CWC27: variants seen among roughly 807,000 people sequenced by gnomAD.
The protein encoded by CWC27 is spliceosome-associated protein CWC27 homolog.
A neutral mutation model predicts 63.6 loss-of-function variants in CWC27; 47 were observed. That is an observed-to-expected ratio of 0.74 (90% CI 0.58 to 0.94). The LOEUF (loss-of-function observed/expected upper bound fraction) is 0.94, where lower values mean the gene tolerates loss of function less well. Ranked by LOEUF, CWC27 falls within the 40% of genes least tolerant of loss-of-function variation. CWC27 has a pLI of 0.00. For missense variants in CWC27, 495 were observed against 554.3 expected, an observed-to-expected ratio of 0.89 and a Z score of 1.07; for synonymous variants, 175 against 179.8, an observed-to-expected ratio of 0.97 and a Z score of 0.22.
chr5:64,975,136 A>C (rs751267578), intron 12 of CWC27, among the ~76,000 whole-genome samples: 2 of 152,230 alleles, frequency 1.3e-5, no homozygotes, highest in Admixed American at 1.3e-4. Context: ...GTGGGCATTA[A>C]ATTTTGCAGA....
chr5:64,998,677 T>C (rs1179033943), intron 13 of CWC27, among the ~76,000 whole-genome samples: 1 of 152,120 alleles, frequency 6.6e-6, no homozygotes, highest in Non-Finnish European at 1.5e-5. Context: ...GATTTTTCCA[T>C]GATAGTGGTG....
chr5:64,849,948 C>G (rs1746092632), intron 10 of CWC27, among the ~76,000 whole-genome samples: 1 of 152,222 alleles, frequency 6.6e-6, no homozygotes, highest in African/African-American at 2.4e-5. Context: ...AACTCAGTCT[C>G]AGGTAGTTCT....
At chr5:64,852,822 C>T (rs542201495) in intron 10 of CWC27, among the ~76,000 whole-genome samples, 1 of 150,892 alleles carries the variant, frequency 6.6e-6, no homozygotes, top group South Asian at 2.1e-4. Context: ...TTTTCATTTT[C>T]AAATAAAAGC....
At chr5:65,009,392 A>G (rs1472256508) in intron 13 of CWC27, among the ~76,000 whole-genome samples, 1 of 152,248 alleles carries the variant, frequency 6.6e-6, no homozygotes, top group Non-Finnish European at 1.5e-5. Context: ...AAACCACAGT[A>G]GCAGTATAAT....
chr5:64,826,132 A>C (rs563458037), intron 10 of CWC27, among the ~76,000 whole-genome samples: 1 of 142,912 alleles, frequency 7.0e-6, no homozygotes. Context: ...TCAATTATCT[A>C]TTTATCTGTC....
At position 64,981,384 on chromosome 5, in the gene CWC27, C is replaced by T. The variant is rs528211481; in HGVS notation, c.1256+4146C>T. ...TTTTCTCAGCAATATGCAGTGACTA[C>T]TTTTCCTTATCATGTATAATTTTAT... On this transcript the variant is annotated intron_variant, in intron 13 of 13. Transcript: ENST00000381070. 5.3e-5 allele frequency among the ~76,000 whole-genome samples: 8 copies of T among 152,252 alleles called. No individual in the cohort carries two copies. In the South Asian group the frequency reaches 1.5e-3, roughly 28 times the overall value.
In CWC27 at chr5:64,858,218, G is replaced by T. The variant is rs557020654; in HGVS notation, c.939-27225G>T. On this transcript the variant is annotated intron_variant, in intron 10 of 13. Transcript: ENST00000381070. ...CTCATGCCTGTAATCCCAGCACTTT[G>T]TGGGGCCGAGGCGGGCGGATCACGA... 1.0e-3 allele frequency among the ~76,000 whole-genome samples: 149 copies of T among 145,430 alleles called. 1 individual carries two copies. Among genetic ancestry groups the T allele is most frequent in the African/African-American group, 3.6e-3 (143 of 39,834 alleles).
At chr5:64,930,996 G>A (rs1351160410) in intron 11 of CWC27, among the ~76,000 whole-genome samples, 1 of 152,094 alleles carries the variant, frequency 6.6e-6, no homozygotes, top group African/African-American at 2.4e-5. Flanking sequence ...GGAGTCTACA[G>A]AGACATCAAA....
chr5:64,959,643 C>T (rs1444260781), intron 11 of CWC27, among the ~76,000 whole-genome samples: 2 of 152,156 alleles, frequency 1.3e-5, no homozygotes, highest in African/African-American at 4.8e-5. Flanking sequence ...TATCTAATCC[C>T]TTATACCTCA....
chr5:64,839,037 A>G (rs1745736657), intron 10 of CWC27, among the ~76,000 whole-genome samples: 1 of 152,184 alleles, frequency 6.6e-6, no homozygotes, highest in Non-Finnish European at 1.5e-5. Context: ...TCAAAAAACA[A>G]TGGAAGGTGG....
At chr5:64,899,673 C>T (rs1223598586) in intron 11 of CWC27, among the ~76,000 whole-genome samples, 1 of 152,040 alleles carries the variant, frequency 6.6e-6, no homozygotes, top group African/African-American at 2.4e-5. Context: ...TGAACAGAAA[C>T]GAAAACATTT....
intron 11 of CWC27, among the ~76,000 whole-genome samples, chr5:64,906,337 TC>T (rs1747640741): frequency 6.6e-6 from 1 of 152,198 alleles, no homozygotes; most frequent in Non-Finnish European, 1.5e-5. Flanking sequence ...ATCTGTTTTT[TC>T]CTGACCTTTT....
Position 65,000,911 on chromosome 5 carries a change from T to G in CWC27, c.1257-17248T>G, listed in dbSNP as rs140836968. On this transcript the variant is annotated intron_variant, in intron 13 of 13. Transcript: ENST00000381070. ...ATTGCATTGACTCTGTAGATTGTTT[T>G]GAATAGTATGGTCATATTAACAACA... is the stretch of plus-strand genomic sequence containing the variant. 2.7e-4 allele frequency among the ~76,000 whole-genome samples: 41 copies of G among 152,262 alleles called. No homozygotes were observed. In the East Asian group the frequency reaches 7.5e-3, roughly 28 times the overall value.
chr5:64,970,312 A>T (rs1237071083), intron 11 of CWC27, among the ~76,000 whole-genome samples: 4 of 150,084 alleles, frequency 2.7e-5, no homozygotes, highest in Non-Finnish European at 4.4e-5. Flanking sequence ...TCCCGGGTTC[A>T]CGCCATTCTC....
At chr5:64,880,910 A>T (rs1746920924) in intron 10 of CWC27, among the ~76,000 whole-genome samples, 1 of 147,854 alleles carries the variant, frequency 6.8e-6, no homozygotes, top group South Asian at 2.2e-4. Flanking sequence ...GAGGAGGCCA[A>T]GACAATGCTT....
At chr5:64,770,807 CT>C in intron 1 of CWC27, among the ~76,000 whole-genome samples, 1 of 152,296 alleles carries the variant, frequency 6.6e-6, no homozygotes, top group South Asian at 2.1e-4. Flanking sequence ...TGAGGTTATA[CT>C]GCTGGTCAAG....
chr5:64,793,349 G>A (rs1744145227), intron 7 of CWC27, among the ~76,000 whole-genome samples: 1 of 152,146 alleles, frequency 6.6e-6, no homozygotes, highest in Non-Finnish European at 1.5e-5. Context: ...TAATGGACAA[G>A]TAGGTAAGTT....
intron 10 of CWC27, among the ~76,000 whole-genome samples, chr5:64,883,356 A>G (rs987372160): frequency 4.6e-5 from 7 of 152,224 alleles, no homozygotes; most frequent in African/African-American, 9.6e-5. Context: ...GAAGATAGGT[A>G]CAAATGCAGG....
intron 11 of CWC27, among the ~76,000 whole-genome samples, chr5:64,889,796 A>G (rs1467342586): frequency 6.6e-6 from 1 of 152,160 alleles, no homozygotes; most frequent in Non-Finnish European, 1.5e-5. Flanking sequence ...CTGCAGGACA[A>G]TCCTGTTTAC....
Sources: allele counts gnomAD v4.1 joint callset (sites outside exome capture counted in the v4.1 genomes callset), GRCh38; gene constraint gnomAD v4.1.1; transcripts MANE v1.5; gene names NCBI Gene and HGNC (gene_info 2026-07-23, HGNC 2026-07-21).